The following TMEM181 variants were observed in gnomAD, a reference collection of about 807,000 sequenced individuals.
TMEM181 encodes transmembrane protein 181.
In TMEM181, 39 loss-of-function variants were observed where a neutral mutation model predicts 71.9. That is an observed-to-expected ratio of 0.54 (90% CI 0.42 to 0.71). The LOEUF is 0.71. TMEM181 is among the 30% of genes least tolerant of loss of function. TMEM181 has a pLI of 0.00. For missense variants in TMEM181, 595 were observed against 583.0 expected, an observed-to-expected ratio of 1.02 and a Z score of -0.21; for synonymous variants, 245 against 228.8, an observed-to-expected ratio of 1.07 and a Z score of -0.64.
chr6:158,617,244 C>G (rs994108465), intron 10 of TMEM181, among the ~76,000 whole-genome samples: 22 of 152,110 alleles, frequency 1.4e-4, no homozygotes, highest in African/African-American at 4.3e-4. Flanking sequence ...TTATCTATTT[C>G]TTCCAGATTT....
rs60295531 is a variant in TMEM181 at position 158,594,099 on chromosome 6, C to CT, written c.492+4338dup. Among the ~76,000 whole-genome samples, 405 of 114,012 alleles carry CT rather than the reference C, an allele frequency of 3.6e-3. 7 individuals are homozygous for CT. Among genetic ancestry groups the CT allele is most frequent in the Middle Eastern group, 0.015 (3 of 200 alleles). 74.8% of individuals were successfully genotyped at this position (114,012 alleles called of 152,430 possible). A position where few individuals can be genotyped will look rare whatever the true frequency, so the allele number is the denominator to read the frequency against. On this transcript the variant is annotated intron_variant, in intron 6 of 16. Transcript: ENST00000684151. ...CTTTTTACTATTTCCATGGTTTTGCCTTTTTTTTTTTTTTTTTTTTTCTGA... is the reference window on the plus strand; with the variant it reads ...CTTTTTACTATTTCCATGGTTTTGCCTTTTTTTTTTTTTTTTTTTTTTCTGA...
chr6:158,537,068 G>C (rs1394266585), intron 1 of TMEM181, among the ~76,000 whole-genome samples: 1 of 151,926 alleles, frequency 6.6e-6, no homozygotes, highest in Non-Finnish European at 1.5e-5. Context: ...GATACTGGCA[G>C]CGGCGGGCAG....
Position 158,623,573 on chromosome 6 carries a change from T to G in TMEM181, c.920T>G (p.Met307Arg). ...AGAGTTAACGAATTACATGATCCAA[T>G]GTACCAGTATCGAGTTGATACCGGA... ...WQTVNELHDP[M>R]YQYRVDTGNF... The change falls in exon 11 of 17, where the codon ATG becomes AGG. Residue 307 changes from methionine (M) to arginine (R), a missense_variant. By Grantham distance (91) the Met-to-Arg change is moderately conservative. Coordinates refer to ENST00000684151, the MANE Select transcript of TMEM181 (RefSeq NM_001376852.1). 6.3e-7 allele frequency: 1 copy of G among 1,582,010 alleles called. No individual in the cohort carries two copies. The highest frequency in any genetic ancestry group is 1.3e-5 in the African/African-American group (1 of 74,508).
intron 2 of TMEM181, 42 bp downstream of exon 2, chr6:158,573,565 G>A (rs377144559): frequency 1.8e-4 from 279 of 1,509,910 alleles, no homozygotes; most frequent in Non-Finnish European, 2.3e-4. Context: ...TGCCATGCGC[G>A]GTGGCCCTGG....
In TMEM181 at chr6:158,560,120, C is replaced by T. The variant is rs964218255; in HGVS notation, c.-105C>T. 34 of 984,860 alleles carry T rather than the reference C, an allele frequency of 3.5e-5. No homozygotes were observed. The African/African-American group carries it at 5.1e-4, about 15-fold the overall frequency. 61.0% of individuals were successfully genotyped at this position (984,860 alleles called of 1,614,324 possible). On this transcript the variant is annotated 5_prime_UTR_variant, in exon 1 of 17. Coordinates refer to ENST00000684151, the MANE Select transcript of TMEM181 (RefSeq NM_001376852.1). The stretch of plus-strand genomic sequence containing the variant: ...TTTCCGCGGCCGGCCGCTGCTCAGC[C>T]GCTGTCGCTCCGGCTCCGGCTGCGG...
chr6:158,628,774 G>A (rs938104693), intron 14 of TMEM181, among the ~76,000 whole-genome samples: 1 of 152,228 alleles, frequency 6.6e-6, no homozygotes, highest in African/African-American at 2.4e-5. Context: ...TGGCGCTCTG[G>A]AGCGTGCCCA....
chr6:158,543,794 G>A (rs1413843630), intron 1 of TMEM181, among the ~76,000 whole-genome samples: 1 of 152,182 alleles, frequency 6.6e-6, no homozygotes, highest in African/African-American at 2.4e-5. Context: ...ACAGGCACTG[G>A]GGGTTAGGAC....
At chr6:158,619,882 AAAAAAAAGG>A (rs71030179) in intron 10 of TMEM181, among the ~76,000 whole-genome samples, 21,681 of 146,210 alleles carry the variant, frequency 0.15, 1,757 homozygotes, top group African/African-American at 0.18. Flanking sequence ...AAAAAAAAAA[AAAAAAAAGG>A]AGGATGTCAT....
intron 1 of TMEM181, among the ~76,000 whole-genome samples, chr6:158,537,809 T>C (rs1562608747): frequency 6.6e-6 from 1 of 152,174 alleles, no homozygotes; most frequent in Non-Finnish European, 1.5e-5. Context: ...GTCATTTTTC[T>C]AAGACCTATC....
At chr6:158,625,823 C>T in intron 13 of TMEM181, 69 bp downstream of exon 13, 1 of 1,399,864 alleles carries the variant, frequency 7.1e-7, no homozygotes, top group South Asian at 1.2e-5. Flanking sequence ...ATATCTGTTG[C>T]CTCCTTTTGT....
intron 10 of TMEM181, among the ~76,000 whole-genome samples, chr6:158,617,571 G>C (rs1348092420): frequency 6.6e-6 from 1 of 152,070 alleles, no homozygotes; most frequent in African/African-American, 2.4e-5. Flanking sequence ...GGTGATGTTA[G>C]GGTGTCAATT....
intron 13 of TMEM181, among the ~76,000 whole-genome samples, chr6:158,625,968 G>A (rs1786252735): frequency 6.6e-6 from 1 of 152,214 alleles, no homozygotes; most frequent in Admixed American, 6.5e-5. Context: ...ACTGGAGCAC[G>A]TTCACTTGCA....
At chr6:158,605,382 C>T in intron 7 of TMEM181, 35 bp downstream of exon 7, 1 of 1,594,394 alleles carries the variant, frequency 6.3e-7, no homozygotes, top group Non-Finnish European at 8.6e-7. Flanking sequence ...CGCAGCAGAT[C>T]CCAGCCAGGA....
At chr6:158,556,023 A>G (rs1428234565), upstream of TMEM181, among the ~76,000 whole-genome samples, 1 of 152,248 alleles carries the variant, frequency 6.6e-6, no homozygotes, top group Non-Finnish European at 1.5e-5. Flanking sequence ...AAAGTAAATT[A>G]ACCAGAAAAG....
intron 10 of TMEM181, chr6:158,611,499 G>C: frequency 1.9e-6 from 1 of 519,614 alleles, no homozygotes; most frequent in South Asian, 1.4e-5. Flanking sequence ...CTCAGCTTCA[G>C]TTGCAAATTA....
intron 1 of TMEM181, among the ~76,000 whole-genome samples, chr6:158,571,582 G>A (rs1195199458): frequency 1.3e-5 from 2 of 152,216 alleles, no homozygotes; most frequent in African/African-American, 2.4e-5. Context: ...ATAGGCATGA[G>A]CCACCGCGCC....
At chr6:158,561,065 C>T (rs1367671940) in intron 1 of TMEM181, among the ~76,000 whole-genome samples, 1 of 152,116 alleles carries the variant, frequency 6.6e-6, no homozygotes, top group African/African-American at 2.4e-5. Context: ...CTTCCAGGGC[C>T]GGCTCCCTGC....
In TMEM181 at chr6:158,583,985, T is replaced by C. The variant is rs987541748; in HGVS notation, c.200T>C (p.Leu67Pro). 1.2e-6 allele frequency: 2 copies of C among 1,609,848 alleles called. No individual in the cohort carries two copies. The highest frequency in any genetic ancestry group is 2.7e-5 in the African/African-American group (2 of 75,002). ...CCAATTCAAATACTTTCAAATCCAC[T>C]GTCTACATACAATCAGCAACTATGG... is the stretch of plus-strand genomic sequence containing the variant. ...LKPIQILSNP[L>P]STYNQQLWLT... The change falls in exon 4 of 17, where the codon CTG becomes CCG. Residue 67 changes from leucine to proline, a missense_variant. Coordinates refer to ENST00000684151, the MANE Select transcript of TMEM181 (RefSeq NM_001376852.1).
chr6:158,582,604 G>A (rs1562634445), intron 3 of TMEM181, among the ~76,000 whole-genome samples: 1 of 151,914 alleles, frequency 6.6e-6, no homozygotes, highest in Non-Finnish European at 1.5e-5. Flanking sequence ...GGTTGATGCT[G>A]CGGTAAGCCA....
Sources: gnomAD v4.1 joint callset for allele counts (sites outside exome capture counted in the v4.1 genomes callset) on GRCh38, gnomAD v4.1.1 for gene constraint, MANE v1.5 for transcripts, NCBI Gene and HGNC (gene_info 2026-07-23, HGNC 2026-07-21) for gene names.